The following ESR1 variants were observed in gnomAD, a reference collection of about 807,000 sequenced individuals.
ESR1 encodes the protein estrogen receptor.
In ESR1, 12 loss-of-function variants were observed where a neutral mutation model predicts 52.7. The ratio of observed to expected loss-of-function variants is 0.23; its 90% CI spans 0.15 to 0.37. The LOEUF is 0.37. ESR1 is among the 10% of genes least tolerant of loss of function. The probability of loss-of-function intolerance (pLI) is 1.00; values close to 1 mark genes in which losing one functional copy is unlikely to be tolerated. For missense variants in ESR1, 584 were observed against 779.7 expected (o/e 0.75, Z 2.99); for synonymous variants, 305 against 316.8 (o/e 0.96, Z 0.39).
chr6:151,822,221 A>G (rs1780671906), intron 1 of ESR1, among the ~76,000 whole-genome samples: 1 of 152,230 alleles, frequency 6.6e-6, no homozygotes, highest in Admixed American at 6.5e-5. Context: ...TGTTCTTGAT[A>G]TCAATATTTT....
chr6:151,661,259 T>A (rs1466223913), intron 1 of ESR1, among the ~76,000 whole-genome samples: 1 of 152,208 alleles, frequency 6.6e-6, no homozygotes, highest in Non-Finnish European at 1.5e-5. Context: ...ATCATTTCCA[T>A]TTTGTAGTAT....
At chr6:151,790,895 C>A (rs1475638387) in intron 2 of ESR1, among the ~76,000 whole-genome samples, 1 of 151,974 alleles carries the variant, frequency 6.6e-6, no homozygotes, top group African/African-American at 2.4e-5. Context: ...TTTTATTTGG[C>A]AAATTGATGT....
intron 5 of ESR1, among the ~76,000 whole-genome samples, chr6:152,041,216 C>G (rs1188034810): frequency 6.6e-6 from 1 of 152,174 alleles, no homozygotes; most frequent in Non-Finnish European, 1.5e-5. Context: ...AAACAACATC[C>G]CTATCTGCCA....
chr6:151,927,459 C>T (rs1260226422), intron 3 of ESR1, among the ~76,000 whole-genome samples: 1 of 152,054 alleles, frequency 6.6e-6, no homozygotes, highest in East Asian at 1.9e-4. Context: ...CTTGCCACCA[C>T]CTGAGCCAGA....
At chr6:151,869,213 T>C (rs1386390787) in intron 2 of ESR1, among the ~76,000 whole-genome samples, 4 of 152,174 alleles carry the variant, frequency 2.6e-5, no homozygotes, top group African/African-American at 9.6e-5. Context: ...ACACCATAGT[T>C]TAGATTTCAA....
intron 2 of ESR1, among the ~76,000 whole-genome samples, chr6:151,706,555 A>C (rs1347898137): frequency 6.6e-6 from 1 of 152,164 alleles, no homozygotes; most frequent in Non-Finnish European, 1.5e-5. Context: ...TTGGCGGGTC[A>C]GGTCTTCTCA....
At chr6:151,914,417 A>C (rs1021052430) in intron 3 of ESR1, among the ~76,000 whole-genome samples, 1 of 152,234 alleles carries the variant, frequency 6.6e-6, no homozygotes, top group Non-Finnish European at 1.5e-5. Context: ...ATGTGAGAGA[A>C]TTTTCTATCA....
chr6:152,029,064 A>G (rs928731090), intron 5 of ESR1, among the ~76,000 whole-genome samples: 15 of 152,242 alleles, frequency 9.9e-5, no homozygotes, highest in African/African-American at 3.4e-4. Flanking sequence ...ACTCTGACAG[A>G]CCTGCAGCTG....
intron 3 of ESR1, among the ~76,000 whole-genome samples, chr6:151,925,140 G>T (rs9479145): frequency 3.1e-5 from 2 of 63,984 alleles, no homozygotes; most frequent in Non-Finnish European, 5.3e-5. Context: ...TTGTTTGTTT[G>T]TTTGTTTTTT....
chr6:152,054,772 A>G (rs147463455), intron 5 of ESR1, among the ~76,000 whole-genome samples: 65 of 152,248 alleles, frequency 4.3e-4, no homozygotes, highest in African/African-American at 1.4e-3. Flanking sequence ...CCTTTCCAGT[A>G]CCATTCAATC....
At chr6:151,906,179 A>G (rs554829880) in intron 3 of ESR1, among the ~76,000 whole-genome samples, 3 of 152,198 alleles carry the variant, frequency 2.0e-5, no homozygotes, top group Non-Finnish European at 4.4e-5. Context: ...AGCCACCCAC[A>G]GAAGTAGTAG....
intron 3 of ESR1, among the ~76,000 whole-genome samples, chr6:151,905,012 C>A (rs1019491526): frequency 6.6e-6 from 1 of 151,964 alleles, no homozygotes; most frequent in African/African-American, 2.4e-5. Context: ...TTGTCTGATA[C>A]AAGGCCAAAG....
At chr6:151,851,288 A>G (rs1786650850) in intron 2 of ESR1, among the ~76,000 whole-genome samples, 1 of 152,164 alleles carries the variant, frequency 6.6e-6, no homozygotes. Flanking sequence ...GCCCCTGAAG[A>G]TAATGCAGAA....
chr6:152,127,347 G>C (rs1025526980), exon 7 of ESR1: 5 of 152,120 alleles, frequency 3.3e-5, no homozygotes, highest in African/African-American at 1.2e-4. Context: ...ATTCTTGTGA[G>C]GGTTAAATGA....
intron 2 of ESR1, among the ~76,000 whole-genome samples, chr6:151,799,148 G>A (rs780264672): frequency 9.2e-5 from 14 of 152,138 alleles, no homozygotes; most frequent in Admixed American, 1.3e-4. Flanking sequence ...AGAAGAATGC[G>A]GCATCTACCC....
intron 3 of ESR1, among the ~76,000 whole-genome samples, chr6:151,938,462 C>G (rs2034640000): frequency 6.6e-6 from 1 of 152,140 alleles, no homozygotes; most frequent in African/African-American, 2.4e-5. Context: ...CTCATTAGGA[C>G]AGATCCTTTT....
At chr6:151,937,864 G>T (rs1012300886) in intron 3 of ESR1, among the ~76,000 whole-genome samples, 7 of 152,124 alleles carry the variant, frequency 4.6e-5, no homozygotes, top group Non-Finnish European at 8.8e-5. Context: ...CCTTGAGCAT[G>T]GTAGTTAATC....
chr6:151,855,505 G>C (rs1329286510), intron 2 of ESR1, among the ~76,000 whole-genome samples: 1 of 152,088 alleles, frequency 6.6e-6, no homozygotes, highest in Non-Finnish European at 1.5e-5. Context: ...CTCTTCCCTA[G>C]AGAGGGTTAA....
chr6:151,675,433 C>A (rs570591412), intron 1 of ESR1, among the ~76,000 whole-genome samples: 2 of 152,160 alleles, frequency 1.3e-5, no homozygotes, highest in Admixed American at 1.3e-4. Flanking sequence ...GCTTCATAAA[C>A]CAAGAGGGTT....
Sources: allele counts gnomAD v4.1 joint callset (sites outside exome capture counted in the v4.1 genomes callset), GRCh38; gene constraint gnomAD v4.1.1; transcripts MANE v1.5; gene names NCBI Gene and HGNC (gene_info 2026-07-23, HGNC 2026-07-21).